PCDH7: variants seen among roughly 807,000 people sequenced by gnomAD.
The protein encoded by PCDH7 is protocadherin-7.
PCDH7 carries 17 observed loss-of-function variants against 58.9 expected under a neutral mutation model. That is an observed-to-expected ratio of 0.29 (90% CI 0.20 to 0.43). The LOEUF (loss-of-function observed/expected upper bound fraction) is 0.43, where lower values mean the gene tolerates loss of function less well. PCDH7 is among the 20% of genes least tolerant of loss of function. PCDH7 has a pLI of 1.00. For synonymous variants in PCDH7, 664 were observed against 616.4 expected, an observed-to-expected ratio of 1.08 and a Z score of -1.14; for missense variants, 1,274 against 1,441.0, an observed-to-expected ratio of 0.88 and a Z score of 1.88.
intron 1 of PCDH7, among the ~76,000 whole-genome samples, chr4:30,766,658 TA>T (rs1720791236): frequency 6.6e-6 from 1 of 151,822 alleles, no homozygotes; most frequent in Non-Finnish European, 1.5e-5. Flanking sequence ...CATATATATA[TA>T]TATATATGTT....
chr4:30,802,297 A>C (rs1021750749), intron 1 of PCDH7, among the ~76,000 whole-genome samples: 8 of 84,946 alleles, frequency 9.4e-5, no homozygotes, highest in Non-Finnish European at 1.6e-4. Flanking sequence ...CAGGCAAGAA[A>C]ATTATTAATA....
chr4:31,093,039 T>C (rs1713464304), intron 3 of PCDH7, among the ~76,000 whole-genome samples: 1 of 152,086 alleles, frequency 6.6e-6, no homozygotes, highest in Admixed American at 6.6e-5. Context: ...AGAGTGTGCG[T>C]CTGCATCTAT....
intron 1 of PCDH7, among the ~76,000 whole-genome samples, chr4:30,744,956 T>A (rs1157907878): frequency 6.6e-6 from 1 of 152,206 alleles, no homozygotes; most frequent in Non-Finnish European, 1.5e-5. Flanking sequence ...CACCCTGAAT[T>A]CTTCACTCTT....
intron 3 of PCDH7, among the ~76,000 whole-genome samples, chr4:31,034,782 T>G (rs572667457): frequency 6.6e-6 from 1 of 152,238 alleles, no homozygotes; most frequent in Non-Finnish European, 1.5e-5. Flanking sequence ...AAATGCTGTA[T>G]GTAAGTGTGG....
At chr4:30,940,261 A>G (rs1320665898) in intron 2 of PCDH7, among the ~76,000 whole-genome samples, 1 of 152,026 alleles carries the variant, frequency 6.6e-6, no homozygotes, top group African/African-American at 2.4e-5. Context: ...GAATTTAAAA[A>G]AAATTATCAC....
chr4:30,798,200 A>G (rs1725043620), intron 1 of PCDH7, among the ~76,000 whole-genome samples: 1 of 152,222 alleles, frequency 6.6e-6, no homozygotes, highest in Non-Finnish European at 1.5e-5. Flanking sequence ...TTCAACTTGA[A>G]CTTGGGAGGA....
At chr4:30,950,753 T>C (rs1027658526) in intron 3 of PCDH7, among the ~76,000 whole-genome samples, 1 of 152,214 alleles carries the variant, frequency 6.6e-6, no homozygotes, top group African/African-American at 2.4e-5. Flanking sequence ...GAAAGCTGAA[T>C]GCATGCTAAT....
intron 3 of PCDH7, among the ~76,000 whole-genome samples, chr4:30,982,660 A>G (rs558649125): frequency 6.6e-6 from 1 of 152,324 alleles, no homozygotes; most frequent in East Asian, 1.9e-4. Context: ...GACCTGGTGC[A>G]TTATATATAA....
intron 2 of PCDH7, among the ~76,000 whole-genome samples, chr4:30,944,292 CT>C (rs1042826743): frequency 7.2e-5 from 11 of 151,994 alleles, no homozygotes; most frequent in African/African-American, 2.4e-4. Flanking sequence ...ATTCTTCTCA[CT>C]TTTTTTAAAT....
intron 3 of PCDH7, among the ~76,000 whole-genome samples, chr4:31,083,127 A>G (rs746536163): frequency 6.6e-6 from 1 of 152,066 alleles, no homozygotes; most frequent in Non-Finnish European, 1.5e-5. Context: ...AACAAAAACA[A>G]AAACAAAAAA....
chr4:30,807,916 C>T (rs1726451871), intron 1 of PCDH7, among the ~76,000 whole-genome samples: 1 of 152,074 alleles, frequency 6.6e-6, no homozygotes, highest in African/African-American at 2.4e-5. Context: ...GAGAGGTGTC[C>T]ACCCAGGTTT....
intron 3 of PCDH7, among the ~76,000 whole-genome samples, chr4:30,961,370 C>A (rs888550071): frequency 6.7e-6 from 1 of 148,678 alleles, no homozygotes; most frequent in Non-Finnish European, 1.5e-5. Flanking sequence ...CAGTGAAATC[C>A]TGTCTCTACT....
chr4:31,145,268 A>C (rs1184630850), downstream of PCDH7: 2 of 152,124 alleles, frequency 1.3e-5, no homozygotes, highest in Non-Finnish European at 2.9e-5. Flanking sequence ...CTTTAAAACT[A>C]AAATGGATGT....
At chr4:30,767,712 T>G (rs191464202) in intron 1 of PCDH7, among the ~76,000 whole-genome samples, 1 of 152,312 alleles carries the variant, frequency 6.6e-6, no homozygotes. Flanking sequence ...TTTTAGAATT[T>G]AAGTAAAATA....
At chr4:30,978,196 C>T (rs1382124314) in intron 3 of PCDH7, among the ~76,000 whole-genome samples, 2 of 152,184 alleles carry the variant, frequency 1.3e-5, no homozygotes, top group African/African-American at 2.4e-5. Context: ...ATAAACGAAT[C>T]GGTACTGATT....
intron 3 of PCDH7, among the ~76,000 whole-genome samples, chr4:31,126,126 CTTT>C (rs555596051): frequency 7.0e-5 from 9 of 128,334 alleles, no homozygotes; most frequent in African/African-American, 1.4e-4. Flanking sequence ...CATATCCTTT[CTTT>C]TTTTTTTTTT....
intron 3 of PCDH7, among the ~76,000 whole-genome samples, chr4:30,996,050 A>T (rs1031995785): frequency 6.6e-6 from 1 of 151,052 alleles, no homozygotes; most frequent in Non-Finnish European, 1.5e-5. Flanking sequence ...CAATGTTTAT[A>T]CATATATTTA....
At chr4:30,963,216 G>A (rs1412458375) in intron 3 of PCDH7, among the ~76,000 whole-genome samples, 1 of 152,174 alleles carries the variant, frequency 6.6e-6, no homozygotes, top group Non-Finnish European at 1.5e-5. Context: ...AGCCTTCTAA[G>A]TATAAAATAA....
intron 1 of PCDH7, among the ~76,000 whole-genome samples, chr4:30,827,657 G>C (rs571661041): frequency 5.3e-5 from 8 of 152,118 alleles, no homozygotes. Context: ...TGCCTACAAG[G>C]CCATCAATCT....
Sources: allele counts gnomAD v4.1 joint callset (sites outside exome capture counted in the v4.1 genomes callset), GRCh38; gene constraint gnomAD v4.1.1; transcripts MANE v1.5; gene names NCBI Gene and HGNC (gene_info 2026-07-23, HGNC 2026-07-21).